REPS2: variants seen among roughly 807,000 people sequenced by gnomAD.
REPS2 encodes the protein RALBP1 associated Eps domain containing 2, also known as ralBP1-associated Eps domain-containing protein 2.
REPS2 carries 23 observed loss-of-function variants against 53.6 expected under a neutral mutation model. That is an observed-to-expected ratio of 0.43 (90% CI 0.31 to 0.61). The LOEUF (loss-of-function observed/expected upper bound fraction) is 0.61, where lower values mean the gene tolerates loss of function less well. REPS2 is among the 20% of genes least tolerant of loss of function. The probability of loss-of-function intolerance (pLI) is 0.11; values close to 1 mark genes in which losing one functional copy is unlikely to be tolerated. For missense variants in REPS2, 446 were observed against 534.9 expected (o/e 0.83, Z 1.64); for synonymous variants, 238 against 218.6 (o/e 1.09, Z -0.78).
intron 14 of REPS2, among the ~76,000 whole-genome samples, chrX:17,130,577 G>A (rs1349293921): frequency 8.9e-6 from 1 of 111,860 alleles, no homozygotes; most frequent in Non-Finnish European, 1.9e-5. Context: ...AAGCAAGTTG[G>A]CTTTGTCACT....
chrX:17,050,500 G>A (rs1324878045), intron 6 of REPS2, among the ~76,000 whole-genome samples: 1 of 110,364 alleles, frequency 9.1e-6, no homozygotes, highest in African/African-American at 3.3e-5. Context: ...CAGGTTTGTA[G>A]CCTAGGAGCA....
chrX:17,067,702 C>T lies in REPS2; in HGVS notation c.1210-700C>T, dbSNP rs73454460. ...GGCTGGTTTAATCAGGTTTAGACACCATCTGCATGACAGATCTTGGCAAAC... is the reference window on the plus strand; with the variant it reads ...GGCTGGTTTAATCAGGTTTAGACACTATCTGCATGACAGATCTTGGCAAAC... On this transcript the variant is annotated intron_variant, in intron 9 of 17. Coordinates refer to ENST00000357277, the MANE Select transcript of REPS2 (RefSeq NM_004726.3). 2.3e-3 allele frequency among the ~76,000 whole-genome samples: 259 copies of T among 111,836 alleles called. 3 individuals are homozygous for T. The highest frequency in any genetic ancestry group is 8.2e-3 in the African/African-American group (253 of 30,812).
At chrX:16,960,450 A>G (rs1178728372) in intron 1 of REPS2, among the ~76,000 whole-genome samples, 1 of 112,598 alleles carries the variant, frequency 8.9e-6, no homozygotes, top group Non-Finnish European at 1.9e-5. Flanking sequence ...GCCTTTCGTG[A>G]TAAACATTTT....
intron 2 of REPS2, among the ~76,000 whole-genome samples, chrX:17,011,340 AT>A (rs1256349555): frequency 9.0e-6 from 1 of 111,263 alleles, no homozygotes; most frequent in Non-Finnish European, 1.9e-5. Context: ...CTGGTAGAGA[AT>A]TTCTGATGAG....
At chrX:16,950,034 T>C (rs1217404921) in intron 1 of REPS2, among the ~76,000 whole-genome samples, 1 of 110,255 alleles carries the variant, frequency 9.1e-6, no homozygotes, top group Non-Finnish European at 1.9e-5. Flanking sequence ...GATTCATCCC[T>C]CCCTCTCCAC....
intron 1 of REPS2, among the ~76,000 whole-genome samples, chrX:16,973,716 T>A (rs2060922203): frequency 9.0e-6 from 1 of 111,620 alleles, no homozygotes; most frequent in African/African-American, 3.2e-5. Flanking sequence ...GTATACCCTT[T>A]ACTAGATTTA....
intron 13 of REPS2, among the ~76,000 whole-genome samples, chrX:17,087,409 A>T (rs919240449): frequency 8.9e-6 from 1 of 111,917 alleles, no homozygotes; most frequent in African/African-American, 3.2e-5. Context: ...AGACTAGAAG[A>T]TTCAAGTTGG....
At chrX:17,188,743 A>T in the REPS2 span, among the ~76,000 whole-genome samples, 1 of 111,185 alleles carries the variant, frequency 9.0e-6, no homozygotes, top group African/African-American at 3.3e-5. Flanking sequence ...TCATTTTCTG[A>T]TTTTTTTTTA....
At chrX:17,128,488 T>TCAGAGCAGCTGGGGGATGGTGTGC (rs2063248505) in intron 14 of REPS2, among the ~76,000 whole-genome samples, 3 of 111,266 alleles carry the variant, frequency 2.7e-5, no homozygotes, top group African/African-American at 9.8e-5. Context: ...TAGCTAACAC[T>TCAGAGCAGCTGGGGGATGGTGTGC]CAGAGCAGCT....
At chrX:17,074,765 A>G (rs2062356747) in intron 12 of REPS2, among the ~76,000 whole-genome samples, 1 of 111,859 alleles carries the variant, frequency 8.9e-6, no homozygotes, top group African/African-American at 3.3e-5. Context: ...AGAGACACTA[A>G]TAGAATTAAT....
intron 14 of REPS2, among the ~76,000 whole-genome samples, chrX:17,114,367 T>C (rs1256347458): frequency 8.9e-6 from 1 of 111,982 alleles, no homozygotes; most frequent in Non-Finnish European, 1.9e-5. Context: ...TGGGAGATGA[T>C]GTATGTGTAG....
Position 17,006,216 on chromosome X carries a change from C to T in REPS2, c.274-5C>T. The stretch of plus-strand genomic sequence containing the variant: ...TTCAGCATTGTTTTTCTTGTCTGTT[C>T]TCAGATCACAGAACTGTGTGGTGCA... On this transcript the variant is annotated splice_polypyrimidine_tract_variant and splice_region_variant and intron_variant, in intron 1 of 17. Transcript: ENST00000357277. 8.3e-7 allele frequency: 1 copy of T among 1,208,746 alleles called. No homozygotes were observed. Among genetic ancestry groups the T allele is most frequent in the Non-Finnish European group, 1.1e-6 (1 of 893,697 alleles).
chrX:17,075,919 T>C lies in REPS2; in HGVS notation c.1380-1352T>C, dbSNP rs775900408. On this transcript the variant is annotated intron_variant, in intron 12 of 17. Coordinates refer to ENST00000357277, the MANE Select transcript of REPS2 (RefSeq NM_004726.3). ...GTGAAGTGTTCCCATTTAAGAACCT[T>C]GTCCTTCCGTATCAGTTCCCTTTGA... 8.0e-5 allele frequency among the ~76,000 whole-genome samples: 9 copies of C among 111,994 alleles called. 1 individual carries two copies. Among genetic ancestry groups the C allele is most frequent in the African/African-American group, 1.9e-4 (6 of 30,815 alleles).
downstream of REPS2, among the ~76,000 whole-genome samples, chrX:17,158,158 A>G (rs2063629101): frequency 8.9e-6 from 1 of 112,306 alleles, no homozygotes. Flanking sequence ...AGCACAATGA[A>G]TCATCAAGAT....
At chrX:16,976,017 C>T (rs2060950820) in intron 1 of REPS2, among the ~76,000 whole-genome samples, 2 of 111,806 alleles carry the variant, frequency 1.8e-5, no homozygotes, top group African/African-American at 6.5e-5. Context: ...CCATCACTAC[C>T]ATCCATCTCC....
the REPS2 span, among the ~76,000 whole-genome samples, chrX:17,158,477 G>T: frequency 8.9e-6 from 1 of 111,824 alleles, no homozygotes; most frequent in African/African-American, 3.2e-5. Flanking sequence ...TCATAGATCT[G>T]AATGTGAAAG....
chrX:17,042,905 C>T (rs770941660), intron 5 of REPS2, among the ~76,000 whole-genome samples: 5 of 111,156 alleles, frequency 4.5e-5, no homozygotes, highest in South Asian at 3.8e-4. Context: ...AGGTGACTCT[C>T]GCACCTCAGC....
At chrX:17,052,534 T>A in intron 7 of REPS2, 89 bp downstream of exon 7, 1 of 671,017 alleles carries the variant, frequency 1.5e-6, no homozygotes, top group East Asian at 3.5e-5. Context: ...AAGGCTTATG[T>A]TTTGAATGAT....
intron 14 of REPS2, among the ~76,000 whole-genome samples, chrX:17,122,315 ACT>A (rs1356201756): frequency 1.8e-5 from 2 of 111,451 alleles, no homozygotes; most frequent in African/African-American, 6.5e-5. Context: ...TGCGGTATAT[ACT>A]CTGTGTCTGG....
Sources: allele counts gnomAD v4.1 joint callset (sites outside exome capture counted in the v4.1 genomes callset), GRCh38; gene constraint gnomAD v4.1.1; transcripts MANE v1.5; gene names NCBI Gene and HGNC (gene_info 2026-07-23, HGNC 2026-07-21).